The following VGLL4 variants were observed in gnomAD, a reference collection of about 807,000 sequenced individuals.
The protein encoded by VGLL4 is vestigial like family member 4.
A neutral mutation model predicts 21.0 loss-of-function variants in VGLL4; 7 were observed. The ratio of observed to expected loss-of-function variants is 0.33; its 90% CI spans 0.19 to 0.63. The LOEUF is 0.63. Ranked by LOEUF, VGLL4 falls within the 20% of genes least tolerant of loss-of-function variation. The pLI is 0.78. For missense variants in VGLL4, 394 were observed against 425.7 expected, an observed-to-expected ratio of 0.93 and a Z score of 0.66; for synonymous variants, 222 against 173.2, an observed-to-expected ratio of 1.28 and a Z score of -2.21.
At chr3:11,571,399 AG>A (rs2073770373) in intron 2 of VGLL4, among the ~76,000 whole-genome samples, 1 of 152,140 alleles carries the variant, frequency 6.6e-6, no homozygotes, top group Non-Finnish European at 1.5e-5. Flanking sequence ...CTCTCCATAA[AG>A]GGGCCAGGTG....
intron 1 of VGLL4, among the ~76,000 whole-genome samples, chr3:11,606,778 G>A (rs924422282): frequency 7.2e-5 from 11 of 152,178 alleles, no homozygotes; most frequent in Non-Finnish European, 4.4e-5. Flanking sequence ...GGACAAATAA[G>A]GGAATAAAAG....
chr3:11,680,900 T>C (rs927512043), intron 2 of VGLL4, among the ~76,000 whole-genome samples: 4 of 152,016 alleles, frequency 2.6e-5, no homozygotes, highest in Non-Finnish European at 5.9e-5. Flanking sequence ...ATCTGTTGAG[T>C]GAATGGGAGG....
chr3:11,596,478 T>C (rs2074644304), intron 2 of VGLL4, among the ~76,000 whole-genome samples: 1 of 152,150 alleles, frequency 6.6e-6, no homozygotes, highest in Non-Finnish European at 1.5e-5. Context: ...TGAGTACATG[T>C]GTGGATGTAG....
chr3:11,628,839 A>C (rs2075415410), intron 1 of VGLL4, among the ~76,000 whole-genome samples: 1 of 152,228 alleles, frequency 6.6e-6, no homozygotes, highest in Admixed American at 6.5e-5. Flanking sequence ...CAAAAACAAA[A>C]AAATCAATCT....
At chr3:11,646,331 G>A (rs905522737), upstream of VGLL4, among the ~76,000 whole-genome samples, 1 of 152,152 alleles carries the variant, frequency 6.6e-6, no homozygotes, top group Non-Finnish European at 1.5e-5. Context: ...CTCTTACTGT[G>A]CTACGTTTTT....
In VGLL4 at chr3:11,568,070, A is replaced by G. The variant is rs756917716; in HGVS notation, c.273-3051T>C. ...AGCCCTGCCTTCTCATGGGCTTACAATCTAGCAGGGACAGAAAGGCCCGGG... is the reference window on the plus strand; with the variant it reads ...AGCCCTGCCTTCTCATGGGCTTACAGTCTAGCAGGGACAGAAAGGCCCGGG... On this transcript the variant is annotated intron_variant, in intron 2 of 4. Transcript: ENST00000430365. The surrounding 1 kb of genome is among the most constrained non-coding windows in gnomAD (Gnocchi z 5.9). 3.3e-5 allele frequency among the ~76,000 whole-genome samples: 5 copies of G among 152,194 alleles called. No homozygotes were observed. The highest frequency in any genetic ancestry group is 7.3e-5 in the Non-Finnish European group (5 of 68,028).
rs145292108 is a variant in VGLL4, at chr3:11,636,814, T to G, written c.82+6623A>C. ...AACAAAATACTAACTGAAAAAAAAG[T>G]TCTTCCCAAAGTATCACCAACTCTG... On this transcript the variant is annotated intron_variant, in intron 1 of 4. Coordinates refer to ENST00000430365, the MANE Select transcript of VGLL4 (RefSeq NM_001128219.3). Among the ~76,000 whole-genome samples the G allele has an allele frequency of 2.7e-3, 414 of 152,238 alleles. 2 individuals are homozygous for G. The highest frequency in any genetic ancestry group is 9.4e-3 in the African/African-American group (392 of 41,530).
chr3:11,595,518 T>C (rs1288063942), intron 2 of VGLL4, among the ~76,000 whole-genome samples: 1 of 152,018 alleles, frequency 6.6e-6, no homozygotes, highest in Admixed American at 6.5e-5. Context: ...ATCATGCTGC[T>C]ATAAAGACAC....
chr3:11,566,336 C>T (rs1354574614), intron 2 of VGLL4, among the ~76,000 whole-genome samples: 3 of 152,346 alleles, frequency 2.0e-5, no homozygotes, highest in South Asian at 2.1e-4. Context: ...CCTTGACTCC[C>T]GCGATGGTGA....
intron 2 of VGLL4, among the ~76,000 whole-genome samples, chr3:11,683,211 A>C (rs1209704774): frequency 9.4e-6 from 1 of 106,146 alleles, no homozygotes; most frequent in African/African-American, 2.8e-5. Flanking sequence ...TCTCAAAAAA[A>C]TAAAAACAAA....
chr3:11,602,750 C>T (rs1173842236), intron 1 of VGLL4, among the ~76,000 whole-genome samples: 2 of 152,082 alleles, frequency 1.3e-5, no homozygotes, highest in Non-Finnish European at 2.9e-5. Flanking sequence ...GACATCTTGG[C>T]GTTTTTCATT....
intron 2 of VGLL4, among the ~76,000 whole-genome samples, chr3:11,595,122 T>C (rs200688902): frequency 6.6e-6 from 1 of 152,144 alleles, no homozygotes; most frequent in Non-Finnish European, 1.5e-5. Context: ...GATTGCCTCA[T>C]TGCACTCCAG....
At chr3:11,600,488 C>A (rs2074767843) in intron 2 of VGLL4, among the ~76,000 whole-genome samples, 1 of 152,190 alleles carries the variant, frequency 6.6e-6, no homozygotes, top group Non-Finnish European at 1.5e-5. Context: ...AGGAGTTAAG[C>A]TAGCCCTGCC....
At chr3:11,691,957 G>A (rs537906379) in intron 2 of VGLL4, among the ~76,000 whole-genome samples, 1 of 134,560 alleles carries the variant, frequency 7.4e-6, no homozygotes, top group South Asian at 2.6e-4. Flanking sequence ...GAGAAGAGAT[G>A]ATGGGTAGGG....
intron 2 of VGLL4, among the ~76,000 whole-genome samples, chr3:11,573,293 AAGAAAGAAAGAAAGGAAGGAAGGAAG>A (rs2073885791): frequency 8.2e-5 from 1 of 12,178 alleles, no homozygotes; most frequent in African/African-American, 6.5e-4. Context: ...GAAAGAAAGA[AAGAAAGAAAGAAAGGAAGGAAGGAAG>A]AAAGAAAGAA....
intron 2 of VGLL4, among the ~76,000 whole-genome samples, chr3:11,681,349 A>G (rs6766727): frequency 0.8 from 121,305 of 152,196 alleles, 48,502 homozygotes; most frequent in Admixed American, 0.85. Flanking sequence ...CACCTGCCCC[A>G]GCCTCCCAAA....
Position 11,568,884 on chromosome 3 carries a change from C to T in VGLL4, c.273-3865G>A, listed in dbSNP as rs894314681. ...AGAGCCGCTGAGGCTGCACGGCACC[C>T]GGCCCCGCCCCGGGCCTCATCCCCA... On this transcript the variant is annotated intron_variant, in intron 2 of 4. Coordinates refer to ENST00000430365, the MANE Select transcript of VGLL4 (RefSeq NM_001128219.3). This position sits in a 1 kb window ranked among gnomAD's most constrained non-coding sequence, Gnocchi z 5.9. 48 of 1,331,962 alleles carry T rather than the reference C, an allele frequency of 3.6e-5. No homozygotes were observed. Among genetic ancestry groups the T allele is most frequent in the African/African-American group, 1.0e-4 (7 of 66,920 alleles). The allele number at this position is 1,331,962 out of a possible 1,614,324, so 82.5% of individuals were successfully genotyped here.
chr3:11,706,500 T>G (rs2076763140), intron 1 of VGLL4, among the ~76,000 whole-genome samples: 1 of 152,208 alleles, frequency 6.6e-6, no homozygotes, highest in Admixed American at 6.5e-5. Context: ...GACTAAATAT[T>G]ATTTAAAACT....
chr3:11,643,476 C>G lies in VGLL4; in HGVS notation c.43G>C (p.Asp15His). 5 of 1,613,972 alleles carry G rather than the reference C, an allele frequency of 3.1e-6. No individual in the cohort carries two copies. Among genetic ancestry groups the G allele is most frequent in the Non-Finnish European group, 4.2e-6 (5 of 1,179,902 alleles). ...KMDLLNYQYL[D>H]KMNNNIGILC... ...ATGCCGATATTGTTGTTCATCTTGTCCAAGTACTGATAGTTCAACAGGTCC... is the reference window on the plus strand; with the variant it reads ...ATGCCGATATTGTTGTTCATCTTGTGCAAGTACTGATAGTTCAACAGGTCC... The change falls in exon 1 of 5, where the codon GAC becomes CAC. Residue 15 changes from aspartate (D) to histidine (H), a missense_variant. Physicochemically the swap from Asp to His is moderately conservative, Grantham distance 81. Transcript: ENST00000430365.
Sources: gnomAD v4.1 joint callset for allele counts (sites outside exome capture counted in the v4.1 genomes callset) on GRCh38, gnomAD v4.1.1 for gene constraint, Gnocchi (gnomAD v3.1) non-coding constraint, MANE v1.5 for transcripts, NCBI Gene and HGNC (gene_info 2026-07-23, HGNC 2026-07-21) for gene names.